FSHR: variants seen among roughly 807,000 people sequenced by gnomAD.
The protein encoded by FSHR is follicle stimulating hormone receptor, also known as follicle-stimulating hormone receptor.
In FSHR, 46 loss-of-function variants were observed where a neutral mutation model predicts 52.1. The ratio of observed to expected loss-of-function variants is 0.88; its 90% CI spans 0.70 to 1.13. FSHR has a LOEUF of 1.13. Among genes scored for constraint, FSHR ranks in the 50% most tolerant of loss-of-function variants. The probability of loss-of-function intolerance (pLI) is 0.00; values close to 1 mark genes in which losing one functional copy is unlikely to be tolerated. For synonymous variants in FSHR, 399 were observed against 309.6 expected (o/e 1.29, Z -3.03); for missense variants, 964 against 834.6 (o/e 1.16, Z -1.91).
chr2:48,985,683 G>T (rs944618332), intron 6 of FSHR, among the ~76,000 whole-genome samples: 1 of 149,392 alleles, frequency 6.7e-6, no homozygotes, highest in Non-Finnish European at 1.5e-5. Context: ...TCAGTTTCAG[G>T]GGAGCAAGTA....
chr2:49,046,192 A>C (rs546554425), intron 2 of FSHR, among the ~76,000 whole-genome samples: 11 of 152,342 alleles, frequency 7.2e-5, no homozygotes, highest in African/African-American at 2.6e-4. Context: ...GAAATTATAA[A>C]ATAGGATAGC....
chr2:49,025,682 A>G (rs1024753646), intron 2 of FSHR, among the ~76,000 whole-genome samples: 3 of 152,174 alleles, frequency 2.0e-5, no homozygotes, highest in African/African-American at 4.8e-5. Flanking sequence ...GTGACAGTCA[A>G]CCACTGTGCT....
Position 49,082,509 on chromosome 2 carries a change from G to A in FSHR, c.153-14219C>T, listed in dbSNP as rs187848083. On this transcript the variant is annotated intron_variant, in intron 1 of 9. Coordinates refer to ENST00000406846, the MANE Select transcript of FSHR (RefSeq NM_000145.4). ...AAGCTGGACGGAGAATGAATTTGAC[G>A]AGCTGAGAGAAGAATGCTTCAGACG... is the stretch of plus-strand genomic sequence containing the variant. Among the ~76,000 whole-genome samples the A allele has an allele frequency of 2.7e-3, 408 of 152,240 alleles. 16 individuals carry two copies. Among genetic ancestry groups the A allele is most frequent in the Non-Finnish European group, 6.9e-4 (47 of 68,024 alleles).
chr2:49,061,661 A>C (rs963409670), intron 2 of FSHR, among the ~76,000 whole-genome samples: 8 of 142,620 alleles, frequency 5.6e-5, no homozygotes, highest in African/African-American at 2.0e-4. Flanking sequence ...ATATATAACT[A>C]TATATTTATA....
chr2:48,964,346 A>C (rs1276176211), intron 9 of FSHR, among the ~76,000 whole-genome samples: 1 of 152,132 alleles, frequency 6.6e-6, no homozygotes, highest in Non-Finnish European at 1.5e-5. Flanking sequence ...AGTAGGACAT[A>C]TTCCTATTCG....
At position 48,962,414 on chromosome 2, in the gene FSHR, C is replaced by T. The variant is rs763400090; in HGVS notation, c.*319G>A. ...CATTTGTAAAACTCCAAGAATAATC[C>T]CTGTCCTGCTTATTTAACAGGGATC... On this transcript the variant is annotated 3_prime_UTR_variant, in exon 10 of 10. Transcript: ENST00000406846. 9.1e-6 allele frequency: 3 copies of T among 328,976 alleles called. No homozygotes were observed. Among genetic ancestry groups the T allele is most frequent in the Non-Finnish European group, 1.7e-5 (3 of 173,754 alleles). 20.4% of individuals were successfully genotyped at this position (328,976 alleles called of 1,614,324 possible). A position where few individuals can be genotyped will look rare whatever the true frequency, so the allele number is the denominator to read the frequency against.
chr2:49,096,767 C>A (rs1445158424), intron 1 of FSHR, among the ~76,000 whole-genome samples: 3 of 152,132 alleles, frequency 2.0e-5, no homozygotes, highest in Non-Finnish European at 2.9e-5. Flanking sequence ...TGGGAGGTAC[C>A]TGGATCACTG....
intron 2 of FSHR, 132 bp from the exon 3 acceptor site, chr2:49,020,292 G>A: frequency 1.3e-6 from 1 of 781,580 alleles, no homozygotes; most frequent in Non-Finnish European, 2.3e-6. Context: ...CATTAAAGAA[G>A]TCAGCTGTAG....
chr2:49,071,166 A>C (rs764971193), intron 1 of FSHR, among the ~76,000 whole-genome samples: 1 of 152,204 alleles, frequency 6.6e-6, no homozygotes, highest in Non-Finnish European at 1.5e-5. Context: ...ACAATGAAAT[A>C]ACATCCAGAA....
At chr2:48,981,130 G>C (rs1675228677) in intron 8 of FSHR, among the ~76,000 whole-genome samples, 1 of 152,194 alleles carries the variant, frequency 6.6e-6, no homozygotes, top group Non-Finnish European at 1.5e-5. Context: ...AGCAGTACAA[G>C]TTTTGAGTAC....
intron 1 of FSHR, among the ~76,000 whole-genome samples, chr2:49,133,483 G>T (rs1212168559): frequency 6.6e-6 from 1 of 152,098 alleles, no homozygotes; most frequent in Non-Finnish European, 1.5e-5. Context: ...CATCAAAATG[G>T]CCATGCTGCC....
chr2:49,017,526 G>C lies in FSHR; in HGVS notation c.337C>G (p.Pro113Ala), dbSNP rs760697660. The C allele has an allele frequency of 1.1e-5, 17 of 1,613,390 alleles. No homozygotes were observed. The highest frequency in any genetic ancestry group is 5.5e-5 in the South Asian group (5 of 91,076). The change falls in exon 4 of 10, where the codon CCT becomes GCT. Residue 113 changes from proline (P) to alanine (A), a missense_variant. Pro to Ala is a conservative substitution (Grantham distance 27). Coordinates refer to ENST00000406846, the MANE Select transcript of FSHR (RefSeq NM_000145.4). Reference protein sequence around the residue: ...EKANNLLYINPEAFQNLPNLQ... With the variant: ...EKANNLLYINAEAFQNLPNLQ... ...TTGGGAAGGTTCTGGAAGGCCTCAG[G>C]GTTGATGTAGAGCAGGTTGTTGGCC... is the stretch of plus-strand genomic sequence containing the variant.
chr2:49,116,318 G>T (rs925515797), intron 1 of FSHR, among the ~76,000 whole-genome samples: 4 of 152,180 alleles, frequency 2.6e-5, no homozygotes, highest in African/African-American at 7.2e-5. Flanking sequence ...ATATGGTGGG[G>T]ATGAGATAAC....
At chr2:49,123,907 G>T (rs1671907715) in intron 1 of FSHR, among the ~76,000 whole-genome samples, 1 of 152,240 alleles carries the variant, frequency 6.6e-6, no homozygotes, top group East Asian at 1.9e-4. Context: ...TAGCTGTAGG[G>T]ATCTTGCTTA....
chr2:49,060,566 C>G (rs1018023073), intron 2 of FSHR, among the ~76,000 whole-genome samples: 1 of 152,224 alleles, frequency 6.6e-6, no homozygotes, highest in African/African-American at 2.4e-5. Context: ...ATCCCACAGG[C>G]CTGAGCTGAA....
At chr2:49,112,768 C>T (rs1315225234) in intron 1 of FSHR, among the ~76,000 whole-genome samples, 1 of 152,148 alleles carries the variant, frequency 6.6e-6, no homozygotes, top group Non-Finnish European at 1.5e-5. Flanking sequence ...CATCTTGCCC[C>T]TATAAACTTT....
chr2:48,970,434 A>T (rs1029156219), intron 8 of FSHR, among the ~76,000 whole-genome samples: 3 of 151,992 alleles, frequency 2.0e-5, no homozygotes, highest in Non-Finnish European at 4.4e-5. Flanking sequence ...CTTCTTTTTG[A>T]GATACTCTCT....
intron 2 of FSHR, among the ~76,000 whole-genome samples, chr2:49,027,380 A>T (rs1402176171): frequency 6.6e-6 from 1 of 152,196 alleles, no homozygotes; most frequent in African/African-American, 2.4e-5. Context: ...AAGTTTATGT[A>T]TATAATATGC....
At chr2:49,066,793 T>C (rs1021029424) in intron 2 of FSHR, among the ~76,000 whole-genome samples, 5 of 152,110 alleles carry the variant, frequency 3.3e-5, no homozygotes, top group African/African-American at 9.7e-5. Context: ...AGTAGCTTAT[T>C]TGTGACATCT....
Sources: gnomAD v4.1 joint callset for allele counts (sites outside exome capture counted in the v4.1 genomes callset) on GRCh38, gnomAD v4.1.1 for gene constraint, MANE v1.5 for transcripts, NCBI Gene and HGNC (gene_info 2026-07-23, HGNC 2026-07-21) for gene names.